EPHA6: variants seen among roughly 807,000 people sequenced by gnomAD.
The protein encoded by EPHA6 is ephrin type-A receptor 6.
In EPHA6, 50 loss-of-function variants were observed where a neutral mutation model predicts 112.0. The observed-to-expected ratio is 0.45, with a 90% CI of 0.36 to 0.56. EPHA6 has a LOEUF of 0.56. Among genes scored for constraint, EPHA6 ranks in the 20% least tolerant of loss-of-function variants. The pLI, the probability that EPHA6 is intolerant of heterozygous loss-of-function variation, is 0.00. For missense variants in EPHA6, 1,280 were observed against 1,417.4 expected, an observed-to-expected ratio of 0.90 and a Z score of 1.56; for synonymous variants, 529 against 490.7, an observed-to-expected ratio of 1.08 and a Z score of -1.03.
chr3:97,233,767 G>C (rs1182707431), intron 4 of EPHA6, among the ~76,000 whole-genome samples: 1 of 152,068 alleles, frequency 6.6e-6, no homozygotes, highest in Non-Finnish European at 1.5e-5. Context: ...GGGGTAGAGA[G>C]AAAAGTAACT....
At chr3:97,483,020 A>G (rs2091599169) in intron 9 of EPHA6, among the ~76,000 whole-genome samples, 2 of 152,216 alleles carry the variant, frequency 1.3e-5, no homozygotes, top group Admixed American at 1.3e-4. Flanking sequence ...CAGGAGGCCG[A>G]GGCAGGAGGA....
At chr3:97,548,309 G>T (rs1310753503) in intron 11 of EPHA6, among the ~76,000 whole-genome samples, 1 of 152,126 alleles carries the variant, frequency 6.6e-6, no homozygotes, top group Non-Finnish European at 1.5e-5. Flanking sequence ...TTGTATCAGG[G>T]GGCACATGAT....
intron 2 of EPHA6, among the ~76,000 whole-genome samples, chr3:96,939,080 G>T (rs1384047593): frequency 6.6e-6 from 1 of 152,102 alleles, no homozygotes; most frequent in Non-Finnish European, 1.5e-5. Flanking sequence ...TTTTGGTTGT[G>T]TCTCTGCCAG....
At chr3:97,132,332 T>C (rs894653974) in intron 3 of EPHA6, among the ~76,000 whole-genome samples, 2 of 152,124 alleles carry the variant, frequency 1.3e-5, no homozygotes, top group Admixed American at 1.3e-4. Flanking sequence ...AAGTGTTGAA[T>C]ATCAAATGTT....
At chr3:97,494,810 T>G (rs1394229859) in intron 10 of EPHA6, among the ~76,000 whole-genome samples, 2 of 152,292 alleles carry the variant, frequency 1.3e-5, no homozygotes, top group East Asian at 1.9e-4. Flanking sequence ...CACCACACCA[T>G]TACCCTTCAA....
intron 12 of EPHA6, among the ~76,000 whole-genome samples, chr3:97,607,788 T>C (rs2093690584): frequency 6.6e-6 from 1 of 151,154 alleles, no homozygotes; most frequent in Non-Finnish European, 1.5e-5. Flanking sequence ...AGGTGTAACA[T>C]TTTGAAAATT....
At chr3:97,748,449 C>T in intron 17 of EPHA6, 138 bp from the exon 18 acceptor site, 1 of 592,158 alleles carries the variant, frequency 1.7e-6, no homozygotes, top group Non-Finnish European at 3.1e-6. Flanking sequence ...TGGCAGAGTG[C>T]TTATTTAATA....
chr3:97,545,478 C>T (rs986200202), intron 11 of EPHA6, among the ~76,000 whole-genome samples: 1 of 152,208 alleles, frequency 6.6e-6, no homozygotes, highest in African/African-American at 2.4e-5. Flanking sequence ...GAGTGCTTTA[C>T]TTCCAACTGT....
chr3:97,409,443 G>A (rs2087566670), intron 6 of EPHA6, among the ~76,000 whole-genome samples: 1 of 151,970 alleles, frequency 6.6e-6, no homozygotes, highest in African/African-American at 2.4e-5. Flanking sequence ...AGAAACTAAG[G>A]CACAAAAAGG....
chr3:97,194,701 C>G (rs896312008), intron 3 of EPHA6, among the ~76,000 whole-genome samples: 1 of 149,690 alleles, frequency 6.7e-6, no homozygotes, highest in Non-Finnish European at 1.5e-5. Context: ...TGGTGTTTTT[C>G]CCTCTCTAGC....
At chr3:97,319,102 T>A (rs1430711802) in intron 5 of EPHA6, among the ~76,000 whole-genome samples, 1 of 151,610 alleles carries the variant, frequency 6.6e-6, no homozygotes, top group Non-Finnish European at 1.5e-5. Flanking sequence ...ACATCACTTG[T>A]ACTTTTATCA....
At chr3:97,480,334 A>G (rs2091495559) in intron 9 of EPHA6, among the ~76,000 whole-genome samples, 2 of 152,078 alleles carry the variant, frequency 1.3e-5, no homozygotes, top group African/African-American at 4.8e-5. Flanking sequence ...GCAGATAAAC[A>G]TGTGAACAAG....
chr3:97,274,501 A>G lies in EPHA6; in HGVS notation c.1606+30214A>G, dbSNP rs560065983. Among the ~76,000 whole-genome samples, 189 of 152,284 alleles carry G rather than the reference A, an allele frequency of 1.2e-3. 1 individual carries two copies. The highest frequency in any genetic ancestry group is 3.6e-3 in the African/African-American group (150 of 41,562). On this transcript the variant is annotated intron_variant, in intron 5 of 17. Coordinates refer to ENST00000389672, the MANE Select transcript of EPHA6 (RefSeq NM_001080448.3). The stretch of plus-strand genomic sequence containing the variant: ...TGAGGAAACCTCTTTCAGCCCATAC[A>G]ACAGCATGGTGGTGCAGAATATGAA...
chr3:97,484,038 A>G lies in EPHA6; in HGVS notation c.2179A>G (p.Ile727Val). The G allele has an allele frequency of 6.2e-7, 1 of 1,607,202 alleles. No individual in the cohort carries two copies. ...AKEIDPSRIRIERVIGAGEFG... is the reference protein window; with the variant it reads ...AKEIDPSRIRVERVIGAGEFG... ...GGAGATTGATCCCTCAAGAATTCGT[A>G]TTGAGAGAGTCATTGGGGCAGGTAA... The change falls in exon 10 of 18, where the codon ATT becomes GTT. Residue 727 changes from isoleucine to valine, a missense_variant. Physicochemically the swap from Ile to Val is conservative, Grantham distance 29. Transcript: ENST00000389672.
intron 11 of EPHA6, among the ~76,000 whole-genome samples, chr3:97,573,032 A>C (rs1248487996): frequency 3.3e-5 from 5 of 152,180 alleles, no homozygotes; most frequent in Admixed American, 6.5e-5. Flanking sequence ...AATCCATATA[A>C]AACATATTTT....
chr3:96,888,769 C>T (rs1287509829), intron 2 of EPHA6, among the ~76,000 whole-genome samples: 1 of 152,166 alleles, frequency 6.6e-6, no homozygotes, highest in African/African-American at 2.4e-5. Flanking sequence ...GACATTTTCC[C>T]TGTTGTCTTG....
intron 3 of EPHA6, among the ~76,000 whole-genome samples, chr3:97,141,592 G>A (rs1358189808): frequency 6.6e-6 from 1 of 151,834 alleles, no homozygotes; most frequent in Non-Finnish European, 1.5e-5. Context: ...ATGACTTTTT[G>A]GTAAATGATG....
chr3:97,131,017 A>C (rs796784755), intron 3 of EPHA6, among the ~76,000 whole-genome samples: 175 of 152,256 alleles, frequency 1.1e-3, no homozygotes, highest in African/African-American at 4.0e-3. Flanking sequence ...TTATTCCATC[A>C]GGAAAAATCA....
At chr3:97,089,707 G>T (rs72920218) in intron 3 of EPHA6, among the ~76,000 whole-genome samples, 1 of 152,052 alleles carries the variant, frequency 6.6e-6, no homozygotes, top group South Asian at 2.1e-4. Flanking sequence ...ATCTTACATT[G>T]CTATTCACGT....
Sources: allele counts gnomAD v4.1 joint callset (sites outside exome capture counted in the v4.1 genomes callset), GRCh38; gene constraint gnomAD v4.1.1; transcripts MANE v1.5; gene names NCBI Gene and HGNC (gene_info 2026-07-23, HGNC 2026-07-21).